Variants in SIRPG observed in about 807,000 individuals in gnomAD.
The protein encoded by SIRPG is signal-regulatory protein gamma.
A neutral mutation model predicts 35.7 loss-of-function variants in SIRPG; 38 were observed. That is an observed-to-expected ratio of 1.06 (90% CI 0.82 to 1.40). The LOEUF is 1.40. Ranked by LOEUF, SIRPG falls within the 40% of genes most tolerant of loss-of-function variation. The probability of loss-of-function intolerance (pLI) is 0.00; values close to 1 mark genes in which losing one functional copy is unlikely to be tolerated. For synonymous variants in SIRPG, 215 were observed against 190.4 expected (o/e 1.13, Z -1.06); for missense variants, 519 against 483.0 (o/e 1.07, Z -0.70).
the SIRPG span, among the ~76,000 whole-genome samples, chr20:1,677,589 G>T: frequency 6.6e-6 from 1 of 152,160 alleles, no homozygotes; most frequent in Non-Finnish European, 1.5e-5. Flanking sequence ...TTCACCCATA[G>T]CATAAGTTTC....
At chr20:1,674,016 G>A in the SIRPG span, among the ~76,000 whole-genome samples, 1 of 152,174 alleles carries the variant, frequency 6.6e-6, no homozygotes, top group Non-Finnish European at 1.5e-5. Flanking sequence ...GGCCTTCTGA[G>A]ATGTCTCTGG....
At chr20:1,676,892 C>T in the SIRPG span, 1 of 159,750 alleles carries the variant, frequency 6.3e-6, no homozygotes, top group Middle Eastern at 5.5e-4. Context: ...TCAGCTTTCA[C>T]TTTCATGACA....
intron 2 of SIRPG, among the ~76,000 whole-genome samples, chr20:1,639,390 CAT>C (rs1435430544): frequency 1.3e-5 from 2 of 152,174 alleles, no homozygotes; most frequent in South Asian, 2.1e-4. Context: ...AGCTTTTTTT[CAT>C]ATGTTTGTTG....
At chr20:1,679,851 T>C in the SIRPG span, among the ~76,000 whole-genome samples, 1 of 152,074 alleles carries the variant, frequency 6.6e-6, no homozygotes, top group Non-Finnish European at 1.5e-5. Flanking sequence ...TGGGAGATGC[T>C]ATTACCCTGA....
chr20:1,661,575 A>G (rs2091995933), upstream of SIRPG, among the ~76,000 whole-genome samples: 1 of 152,198 alleles, frequency 6.6e-6, no homozygotes, highest in Non-Finnish European at 1.5e-5. Flanking sequence ...GCTGGGAGAC[A>G]GGGATGGACA....
chr20:1,677,865 A>G, the SIRPG span, among the ~76,000 whole-genome samples: 1 of 152,198 alleles, frequency 6.6e-6, no homozygotes, highest in Non-Finnish European at 1.5e-5. Context: ...TATATCGACA[A>G]CTAGAGTTAA....
chr20:1,630,381 A>G (rs1357514612), intron 4 of SIRPG, 75 bp from the exon 5 acceptor site: 1 of 1,175,372 alleles, frequency 8.5e-7, no homozygotes, highest in Non-Finnish European at 1.2e-6. Context: ...CACTTACCCC[A>G]TCTGAGGCTG....
intron 5 of SIRPG, 147 bp downstream of exon 5, chr20:1,630,075 T>C: frequency 1.5e-6 from 1 of 647,004 alleles, no homozygotes; most frequent in Non-Finnish European, 2.7e-6. Flanking sequence ...GTTGGGAGCC[T>C]TTTAAAGGGT....
At chr20:1,649,462 C>T (rs1272884004) in intron 1 of SIRPG, 54 bp from the exon 2 acceptor site, 6 of 1,481,194 alleles carry the variant, frequency 4.1e-6, no homozygotes, top group African/African-American at 1.4e-5. Context: ...TCCTGTATTT[C>T]CTCATGTTTA....
At position 1,649,629 on chromosome 20, in the gene SIRPG, C is replaced by CTTTTTT. The variant is rs35561366; in HGVS notation, c.74-227_74-222dup. On this transcript the variant is annotated intron_variant, in intron 1 of 5. Coordinates refer to ENST00000303415, the MANE Select transcript of SIRPG (RefSeq NM_018556.4). The stretch of plus-strand genomic sequence containing the variant: ...CTGAGGCCTGAGGCACAGAGAGGTT[C>CTTTTTT]TTTTTTTTTTTTTTTTTTTTTTTTT... Among the ~76,000 whole-genome samples, 45 of 75,788 alleles carry CTTTTTT rather than the reference C, an allele frequency of 5.9e-4. 1 individual carries two copies. Among genetic ancestry groups the CTTTTTT allele is most frequent in the African/African-American group, 2.4e-3 (42 of 17,514 alleles). 49.7% of individuals were successfully genotyped at this position (75,788 alleles called of 152,430 possible).
chr20:1,652,461 T>C (rs2091946428), intron 1 of SIRPG, among the ~76,000 whole-genome samples: 1 of 152,236 alleles, frequency 6.6e-6, no homozygotes. Flanking sequence ...AAATACTAGC[T>C]AACTGAATTG....
chr20:1,667,960 T>C, the SIRPG span, among the ~76,000 whole-genome samples: 100,669 of 151,962 alleles, frequency 0.66, 33,999 homozygotes, highest in East Asian at 0.86. Context: ...AGAACAGGGT[T>C]ACTTCTTTGA....
At chr20:1,680,585 T>C in the SIRPG span, among the ~76,000 whole-genome samples, 3 of 152,176 alleles carry the variant, frequency 2.0e-5, no homozygotes, top group Non-Finnish European at 2.9e-5. Flanking sequence ...CTGAATTGAA[T>C]AGCATAGTAG....
At chr20:1,653,330 C>A (rs185913716) in intron 1 of SIRPG, among the ~76,000 whole-genome samples, 1 of 152,254 alleles carries the variant, frequency 6.6e-6, no homozygotes, top group African/African-American at 2.4e-5. Flanking sequence ...GAATATCTAC[C>A]TTGTATATAA....
intron 1 of SIRPG, among the ~76,000 whole-genome samples, chr20:1,652,430 T>C (rs11696911): frequency 0.039 from 5,911 of 152,304 alleles, 138 homozygotes; most frequent in Middle Eastern, 0.058. Context: ...ACTGGATTTG[T>C]TGATGCAACA....
At position 1,630,429 on chromosome 20, in the gene SIRPG, C is replaced by T. The variant is rs973654398; in HGVS notation, c.1082-123G>A. 12 of 691,240 alleles carry T rather than the reference C, an allele frequency of 1.7e-5. No homozygotes were observed. The African/African-American group carries it at 2.2e-4, about 13-fold the overall frequency. 42.8% of individuals were successfully genotyped at this position (691,240 alleles called of 1,614,324 possible). A position where few individuals can be genotyped will look rare whatever the true frequency, so the allele number is the denominator to read the frequency against. ...TATGCCCCACCTTTGAACCTGCATC[C>T]TGCCCAGGCTATCTTCACTCCAGCA... On this transcript the variant is annotated intron_variant, in intron 4 of 5. Coordinates refer to ENST00000303415, the MANE Select transcript of SIRPG (RefSeq NM_018556.4).
chr20:1,651,758 G>C (rs56146227), intron 1 of SIRPG, among the ~76,000 whole-genome samples: 5,100 of 151,750 alleles, frequency 0.034, 127 homozygotes, highest in Middle Eastern at 0.058. Flanking sequence ...CTTGTGTTGT[G>C]CTATGCACAG....
the SIRPG span, among the ~76,000 whole-genome samples, chr20:1,679,367 G>A: frequency 4.6e-5 from 7 of 152,296 alleles, no homozygotes; most frequent in East Asian, 1.4e-3. Context: ...GTACAGCAGT[G>A]TGATAAAGCT....
rs781686438 is a variant in SIRPG at position 1,635,258 on chromosome 20, TA to T, written c.1081+8del. On this transcript the variant is annotated splice_region_variant and intron_variant, in intron 4 of 5. Coordinates refer to ENST00000303415, the MANE Select transcript of SIRPG (RefSeq NM_018556.4). ...AAAGACAAAATTTAAAAATTTTGAG[TA>T]ACCTCACCAGGGGTAGCATCTGAGC... is the stretch of plus-strand genomic sequence containing the variant. 1 of 1,568,626 alleles carries T rather than the reference TA, an allele frequency of 6.4e-7. No homozygotes were observed. The highest frequency in any genetic ancestry group is 8.6e-7 in the Non-Finnish European group (1 of 1,157,468).
Sources: gnomAD v4.1 joint callset for allele counts (sites outside exome capture counted in the v4.1 genomes callset) on GRCh38, gnomAD v4.1.1 for gene constraint, MANE v1.5 for transcripts, NCBI Gene and HGNC (gene_info 2026-07-23, HGNC 2026-07-21) for gene names.